Variants in PLD5 observed in about 807,000 individuals in gnomAD.
PLD5 encodes the protein inactive phospholipase D5.
Under a neutral mutation model 61.1 loss-of-function variants are expected in PLD5, and 36 were observed. The ratio of observed to expected loss-of-function variants is 0.59; its 90% CI spans 0.45 to 0.78. The LOEUF (loss-of-function observed/expected upper bound fraction) is 0.78, where lower values mean the gene tolerates loss of function less well. PLD5 is among the 30% of genes least tolerant of loss of function. PLD5 has a pLI of 0.00. For synonymous variants in PLD5, 243 were observed against 242.8 expected, an observed-to-expected ratio of 1.00 and a Z score of -0.01; for missense variants, 515 against 644.4, an observed-to-expected ratio of 0.80 and a Z score of 2.17.
chr1:242,353,045 C>A (rs1175767695), intron 1 of PLD5, among the ~76,000 whole-genome samples: 1 of 152,086 alleles, frequency 6.6e-6, no homozygotes, highest in Non-Finnish European at 1.5e-5. Context: ...TGAATGTAAT[C>A]CCATGTGTTT....
chr1:242,280,832 G>A (rs1362407399), intron 3 of PLD5, among the ~76,000 whole-genome samples: 2 of 152,208 alleles, frequency 1.3e-5, no homozygotes, highest in Non-Finnish European at 2.9e-5. Flanking sequence ...TGGGAGTGAC[G>A]TTGTCAAAAA....
At chr1:242,491,652 T>G (rs1668155520) in intron 1 of PLD5, among the ~76,000 whole-genome samples, 1 of 152,234 alleles carries the variant, frequency 6.6e-6, no homozygotes, top group African/African-American at 2.4e-5. Flanking sequence ...GCTCTCAACC[T>G]TCTCTAGTCT....
At position 242,405,898 on chromosome 1, in the gene PLD5, G is replaced by A. The variant is rs555182523; in HGVS notation, c.190-57656C>T. On this transcript the variant is annotated intron_variant, in intron 1 of 9. Coordinates refer to ENST00000536534, the MANE Select transcript of PLD5 (RefSeq NM_001372062.1). The stretch of plus-strand genomic sequence containing the variant: ...ATTACAGGTGTGAGCCACTGAGCCT[G>A]GCCCTATATGATACTTTTGACCTAA... 3.4e-5 allele frequency among the ~76,000 whole-genome samples: 5 copies of A among 149,070 alleles called. No individual in the cohort carries two copies. In the East Asian group the frequency reaches 9.9e-4, roughly 30 times the overall value.
chr1:242,458,879 A>G (rs564925460), intron 1 of PLD5, among the ~76,000 whole-genome samples: 3 of 152,236 alleles, frequency 2.0e-5, no homozygotes, highest in Admixed American at 6.5e-5. Context: ...TATTAACAAT[A>G]TTCTACAGAA....
chr1:242,324,169 C>G (rs1234791316), intron 2 of PLD5, among the ~76,000 whole-genome samples: 1 of 152,016 alleles, frequency 6.6e-6, no homozygotes, highest in East Asian at 1.9e-4. Context: ...GCACCCTTCA[C>G]CACTACTTTC....
intron 1 of PLD5, among the ~76,000 whole-genome samples, chr1:242,360,963 T>C (rs912604894): frequency 1.3e-5 from 2 of 152,104 alleles, no homozygotes; most frequent in Non-Finnish European, 2.9e-5. Flanking sequence ...TCAATAATAA[T>C]TCTGAATAGA....
chr1:242,249,146 A>T (rs560754764), intron 4 of PLD5, among the ~76,000 whole-genome samples: 2 of 152,082 alleles, frequency 1.3e-5, no homozygotes, highest in Non-Finnish European at 2.9e-5. Context: ...TAAATGGCCA[A>T]TGTGATAGTA....
At chr1:242,200,213 G>A (rs1668898013) in intron 5 of PLD5, among the ~76,000 whole-genome samples, 1 of 152,196 alleles carries the variant, frequency 6.6e-6, no homozygotes, top group Admixed American at 6.5e-5. Flanking sequence ...TATACTTGTT[G>A]GTACAGGAAT....
chr1:242,155,037 T>G (rs1305493278), intron 5 of PLD5, among the ~76,000 whole-genome samples: 2 of 152,220 alleles, frequency 1.3e-5, no homozygotes, highest in African/African-American at 4.8e-5. Flanking sequence ...GTTATTGATC[T>G]ATTCAGGGAT....
chr1:242,353,230 G>T (rs1299730632), intron 1 of PLD5, among the ~76,000 whole-genome samples: 2 of 152,174 alleles, frequency 1.3e-5, no homozygotes, highest in Admixed American at 1.3e-4. Context: ...TATTTCTTTT[G>T]CATATGAATA....
chr1:242,336,480 A>G (rs955175510), intron 2 of PLD5, among the ~76,000 whole-genome samples: 1 of 152,056 alleles, frequency 6.6e-6, no homozygotes, highest in Non-Finnish European at 1.5e-5. Context: ...CCATGCAGCC[A>G]TGGATCTATC....
chr1:242,258,957 C>T (rs1279244487), intron 4 of PLD5, among the ~76,000 whole-genome samples: 1 of 152,166 alleles, frequency 6.6e-6, no homozygotes, highest in Non-Finnish European at 1.5e-5. Context: ...AAACTCTGAA[C>T]TCTTTGAAGT....
chr1:242,276,435 TTA>T (rs1674415560), intron 3 of PLD5, among the ~76,000 whole-genome samples: 2 of 33,880 alleles, frequency 5.9e-5, no homozygotes, highest in South Asian at 1.8e-3. Context: ...TATACACAAA[TTA>T]TATATATATG....
intron 1 of PLD5, among the ~76,000 whole-genome samples, chr1:242,512,876 C>T (rs60152587): frequency 1.1e-4 from 14 of 132,512 alleles, no homozygotes; most frequent in Admixed American, 9.3e-4. Context: ...TTTATTTTTT[C>T]TTTTTTTTTT....
chr1:242,311,658 CTT>C (rs1376558114), intron 2 of PLD5, among the ~76,000 whole-genome samples: 1 of 152,190 alleles, frequency 6.6e-6, no homozygotes, highest in East Asian at 1.9e-4. Context: ...AAGATTCTCT[CTT>C]TGTCATTGGC....
At chr1:242,360,069 G>A (rs372885280) in intron 1 of PLD5, among the ~76,000 whole-genome samples, 13 of 152,154 alleles carry the variant, frequency 8.5e-5, no homozygotes, top group East Asian at 3.9e-4. Flanking sequence ...ACTCAAAATC[G>A]TAAAGCAATA....
intron 1 of PLD5, among the ~76,000 whole-genome samples, chr1:242,512,212 C>A (rs371727857): frequency 6.6e-6 from 1 of 151,196 alleles, no homozygotes; most frequent in Non-Finnish European, 1.5e-5. Context: ...GAGATCGAGA[C>A]CATCCTGGCT....
rs535812855 is a variant in PLD5, at chr1:242,089,889, C to T, written c.1576G>A (p.Asp526Asn). The T allele has an allele frequency of 4.3e-6, 7 of 1,614,208 alleles. No individual in the cohort carries two copies. The African/African-American group carries it at 5.3e-5, about 12-fold the overall frequency. ...LKPLSNKTAT[D>N]DTGGKDPRNV Reference sequence around the variant, plus strand: ...CGGGGATCCTTTCCGCCTGTGTCGTCTGTGGCAGTTTTGTTGGAGAGGGGT... The same window carrying T: ...CGGGGATCCTTTCCGCCTGTGTCGTTTGTGGCAGTTTTGTTGGAGAGGGGT... The change falls in exon 10 of 10, where the codon GAC (aspartate) becomes AAC (asparagine). Residue 526 changes from aspartate to asparagine, a missense_variant. By Grantham distance (23) the Asp-to-Asn change is conservative (BLOSUM62 1). This residue lies in a region of PLD5 where 450 missense variants were observed against 598.1 expected (regional missense o/e 0.75). Coordinates refer to ENST00000536534, the MANE Select transcript of PLD5 (RefSeq NM_001372062.1).
intron 4 of PLD5, among the ~76,000 whole-genome samples, chr1:242,245,368 G>T (rs572646490): frequency 2.8e-4 from 43 of 152,166 alleles, no homozygotes; most frequent in Non-Finnish European, 8.8e-5. Context: ...TCAAAAGCTG[G>T]CATTTGCCTT....
Sources: gnomAD v4.1 joint callset for allele counts (sites outside exome capture counted in the v4.1 genomes callset) on GRCh38, gnomAD v4.1.1 for gene constraint, gnomAD v4.1.1 regional missense constraint, MANE v1.5 for transcripts, NCBI Gene and HGNC (gene_info 2026-07-23, HGNC 2026-07-21) for gene names.